JOSD1: variants seen among roughly 807,000 people sequenced by gnomAD.
JOSD1 encodes the protein Josephin domain containing 1.
JOSD1 carries 11 observed loss-of-function variants against 24.3 expected under a neutral mutation model. The observed-to-expected ratio is 0.45, with a 90% CI of 0.29 to 0.75. The LOEUF is 0.75. Ranked by LOEUF, JOSD1 falls within the 30% of genes least tolerant of loss-of-function variation. JOSD1 has a pLI of 0.11. For missense variants in JOSD1, 184 were observed against 253.5 expected (o/e 0.73, Z 1.86); for synonymous variants, 106 against 93.8 (o/e 1.13, Z -0.75).
chr22:38,693,798 T>C (rs556751295), intron 2 of JOSD1, among the ~76,000 whole-genome samples: 2 of 152,236 alleles, frequency 1.3e-5, no homozygotes, highest in Admixed American at 1.3e-4. Context: ...ATCTCTTCCA[T>C]AGGATCTTCC....
intron 2 of JOSD1, among the ~76,000 whole-genome samples, chr22:38,691,962 C>G (rs1220575658): frequency 2.6e-5 from 4 of 152,194 alleles, no homozygotes. Context: ...GACAGGTGCT[C>G]AAGGAATGTT....
chr22:38,700,641 G>A, intron 1 of JOSD1, 23 bp from the exon 2 acceptor site: 8 of 984,352 alleles, frequency 8.1e-6, no homozygotes, highest in Non-Finnish European at 9.7e-6. Flanking sequence ...AGACAACTCC[G>A]GTCAGCGGCG....
chr22:38,687,379 G>A lies in JOSD1; in HGVS notation c.*523C>T, dbSNP rs1360393631. ...AAACCACCCTTAAACCTGGGGATAA[G>A]GGTTGGAGACAGCATGCTGTACCGC... On this transcript the variant is annotated 3_prime_UTR_variant, in exon 5 of 5. Coordinates refer to ENST00000683374, the MANE Select transcript of JOSD1 (RefSeq NM_001360236.2). The A allele has an allele frequency of 1.3e-5, 2 of 153,550 alleles. No homozygotes were observed. Among genetic ancestry groups the A allele is most frequent in the African/African-American group, 4.8e-5 (2 of 41,478 alleles). The allele number at this position is 153,550 out of a possible 1,614,324, so 9.5% of individuals were successfully genotyped here.
chr22:38,694,705 A>T (rs1403120978), intron 2 of JOSD1, among the ~76,000 whole-genome samples: 1 of 152,000 alleles, frequency 6.6e-6, no homozygotes, highest in Non-Finnish European at 1.5e-5. Flanking sequence ...TACTAAAAAT[A>T]CAAAAAAGTA....
In JOSD1 at chr22:38,689,299, C is replaced by T; in HGVS notation, c.311G>A (p.Arg104His). The change falls in exon 3 of 5, where the codon CGC becomes CAC. Residue 104 changes from arginine to histidine, a missense_variant. By Grantham distance (29) the Arg-to-His change is conservative. Coordinates refer to ENST00000683374, the MANE Select transcript of JOSD1 (RefSeq NM_001360236.2). ...KGYEAVWWDKRRDVGVIALTN... is the reference protein window; with the variant it reads ...KGYEAVWWDKHRDVGVIALTN... Reference sequence around the variant, plus strand: ...AGTCAAGCCTGATTCAGATTACCTGCGCTTGTCCCACCAAACAGCTTCATA... The same window carrying T: ...AGTCAAGCCTGATTCAGATTACCTGTGCTTGTCCCACCAAACAGCTTCATA... 3 of 1,614,264 alleles carry T rather than the reference C, an allele frequency of 1.9e-6. No individual in the cohort carries two copies. The highest frequency in any genetic ancestry group is 1.7e-6 in the Non-Finnish European group (2 of 1,180,048).
chr22:38,688,471 C>G (rs1454880131), intron 4 of JOSD1, among the ~76,000 whole-genome samples: 1 of 152,184 alleles, frequency 6.6e-6, no homozygotes, highest in Non-Finnish European at 1.5e-5. Context: ...CCGTGTTGGT[C>G]AGGCTGGTCT....
At chr22:38,698,984 T>C (rs1294343737) in intron 2 of JOSD1, among the ~76,000 whole-genome samples, 1 of 152,140 alleles carries the variant, frequency 6.6e-6, no homozygotes, top group Non-Finnish European at 1.5e-5. Context: ...CTCAAACTCC[T>C]GAACTCAGGT....
At chr22:38,697,334 G>T (rs946918806) in intron 2 of JOSD1, among the ~76,000 whole-genome samples, 1 of 152,218 alleles carries the variant, frequency 6.6e-6, no homozygotes, top group Non-Finnish European at 1.5e-5. Context: ...AGTTGGGACA[G>T]AATACATGCC....
At chr22:38,699,742 G>C (rs1446142585) in intron 2 of JOSD1, 61 bp downstream of exon 2, 70 of 1,510,090 alleles carry the variant, frequency 4.6e-5, no homozygotes, top group Non-Finnish European at 6.3e-5. Context: ...CTGAGACACT[G>C]CCCCACCCAC....
At position 38,690,364 on chromosome 22, in the gene JOSD1, T is replaced by A. The variant is rs781752656; in HGVS notation, c.186-940A>T. 1.3e-5 allele frequency among the ~76,000 whole-genome samples: 2 copies of A among 152,128 alleles called. 1 individual carries two copies. The highest frequency in any genetic ancestry group is 4.1e-4 in the South Asian group (2 of 4,828). Reference sequence around the variant, plus strand: ...AAAAACTTAAGAAATCTTGTATTTTTAAAATTTTTCTGTGCACAGCAGAAA... The same window carrying A: ...AAAAACTTAAGAAATCTTGTATTTTAAAAATTTTTCTGTGCACAGCAGAAA... On this transcript the variant is annotated intron_variant, in intron 2 of 4. Coordinates refer to ENST00000683374, the MANE Select transcript of JOSD1 (RefSeq NM_001360236.2).
intron 2 of JOSD1, among the ~76,000 whole-genome samples, chr22:38,693,867 C>T (rs1298508557): frequency 6.6e-6 from 1 of 152,142 alleles, no homozygotes; most frequent in Non-Finnish European, 1.5e-5. Flanking sequence ...GAGTTCATAT[C>T]CTAGCACCGA....
Position 38,688,011 on chromosome 22 carries a change from AAGAGAT to A in JOSD1, c.510-16_510-11del, listed in dbSNP as rs1569262505. ...ATGTTTTAGAAACTTCCTATGGAAA[AAGAGAT>A]AGAGAAAATGAAATGCTGGCAAGTT... On this transcript the variant is annotated splice_polypyrimidine_tract_variant and intron_variant, in intron 4 of 4. Coordinates refer to ENST00000683374, the MANE Select transcript of JOSD1 (RefSeq NM_001360236.2). The A allele has an allele frequency of 3.1e-6, 5 of 1,597,632 alleles. No homozygotes were observed. Among genetic ancestry groups the A allele is most frequent in the African/African-American group, 1.3e-5 (1 of 74,570 alleles).
intron 2 of JOSD1, among the ~76,000 whole-genome samples, chr22:38,693,342 C>T (rs1035464114): frequency 5.3e-5 from 8 of 152,172 alleles, no homozygotes; most frequent in African/African-American, 1.9e-4. Context: ...AGGCTCCTTA[C>T]CTCACACCTT....
rs953858071 is a variant in JOSD1, at chr22:38,687,369, C to T, written c.*533G>A. Reference sequence around the variant, plus strand: ...GTATGGCCATAAACCACCCTTAAACCTGGGGATAAGGGTTGGAGACAGCAT... The same window carrying T: ...GTATGGCCATAAACCACCCTTAAACTTGGGGATAAGGGTTGGAGACAGCAT... On this transcript the variant is annotated 3_prime_UTR_variant, in exon 5 of 5. Coordinates refer to ENST00000683374, the MANE Select transcript of JOSD1 (RefSeq NM_001360236.2). The T allele has an allele frequency of 6.5e-6, 1 of 152,994 alleles. No individual in the cohort carries two copies. The highest frequency in any genetic ancestry group is 6.5e-5 in the Admixed American group (1 of 15,304). The allele number at this position is 152,994 out of a possible 1,614,324, so 9.5% of individuals were successfully genotyped here.
intron 2 of JOSD1, among the ~76,000 whole-genome samples, chr22:38,698,799 G>C (rs897324778): frequency 2.6e-5 from 4 of 152,166 alleles, no homozygotes; most frequent in African/African-American, 9.7e-5. Flanking sequence ...CCGTCACCCA[G>C]GCTGGAGTGC....
chr22:38,700,888 C>T lies in JOSD1; in HGVS notation c.-720G>A. 1 of 984,540 alleles carries T rather than the reference C, an allele frequency of 1.0e-6. No homozygotes were observed. Among genetic ancestry groups the T allele is most frequent in the Non-Finnish European group, 1.2e-6 (1 of 829,656 alleles). 61.0% of individuals were successfully genotyped at this position (984,540 alleles called of 1,614,324 possible). On this transcript the variant is annotated 5_prime_UTR_variant, in exon 1 of 5. Transcript: ENST00000683374. ...CCAGGGCCGCCGGGACTGCTCGCCG[C>T]TGGCGGTCCCCTCACCGCAGCCGGC...
At chr22:38,696,660 C>A (rs1480222180) in intron 2 of JOSD1, among the ~76,000 whole-genome samples, 2 of 152,186 alleles carry the variant, frequency 1.3e-5, no homozygotes, top group Non-Finnish European at 2.9e-5. Flanking sequence ...GCTTTTTAAA[C>A]AAATGACCTC....
In JOSD1 at chr22:38,699,820, C is replaced by T; in HGVS notation, c.168G>A (p.Leu56=). ...QDSNAFTRDT[L]QEIFQRLSPN... Reference sequence around the variant, plus strand: ...TCCCCTACCTCTGGAAAATCTCTTGCAGCGTATCCCGGGTGAAGGCATTGC... The same window carrying T: ...TCCCCTACCTCTGGAAAATCTCTTGTAGCGTATCCCGGGTGAAGGCATTGC... Residue 56 remains leucine, a synonymous_variant, in exon 2 of 5, where the codon CTG becomes CTA. Transcript: ENST00000683374. 6.2e-7 allele frequency: 1 copy of T among 1,614,188 alleles called. No individual in the cohort carries two copies. The highest frequency in any genetic ancestry group is 8.5e-7 in the Non-Finnish European group (1 of 1,180,026).
chr22:38,690,857 C>T (rs1023376405), intron 2 of JOSD1, among the ~76,000 whole-genome samples: 1 of 151,850 alleles, frequency 6.6e-6, no homozygotes, highest in African/African-American at 2.4e-5. Flanking sequence ...CCCGTCTCTA[C>T]TAAAAATACA....
Sources: allele counts gnomAD v4.1 joint callset (sites outside exome capture counted in the v4.1 genomes callset), GRCh38; gene constraint gnomAD v4.1.1; transcripts MANE v1.5; gene names NCBI Gene and HGNC (gene_info 2026-07-23, HGNC 2026-07-21).